RAPGEFL1: variants seen among roughly 807,000 people sequenced by gnomAD.
RAPGEFL1 encodes rap guanine nucleotide exchange factor-like 1.
Under a neutral mutation model 64.4 loss-of-function variants are expected in RAPGEFL1, and 31 were observed. The observed-to-expected ratio is 0.48, with a 90% CI of 0.36 to 0.65. The LOEUF is 0.65. RAPGEFL1 is among the 30% of genes least tolerant of loss of function. The probability of loss-of-function intolerance (pLI) is 0.00; values close to 1 mark genes in which losing one functional copy is unlikely to be tolerated. For synonymous variants in RAPGEFL1, 331 were observed against 274.1 expected (o/e 1.21, Z -2.05); for missense variants, 682 against 677.4 (o/e 1.01, Z -0.08).
In RAPGEFL1 at chr17:40,177,784, T is replaced by C; in HGVS notation, c.-78T>C. On this transcript the variant is annotated 5_prime_UTR_variant, in exon 1 of 15. Transcript: ENST00000620260. ...TCTGCTCCTCCAGCTCTGAGCATCG[T>C]GTCTTCGCCGCCCCCCCCGCCCGCG... 1 of 410,882 alleles carries C rather than the reference T, an allele frequency of 2.4e-6. No homozygotes were observed. Among genetic ancestry groups the C allele is most frequent in the Non-Finnish European group, 4.3e-6 (1 of 233,362 alleles). 25.5% of individuals were successfully genotyped at this position (410,882 alleles called of 1,614,324 possible). A position where few individuals can be genotyped will look rare whatever the true frequency, so the allele number is the denominator to read the frequency against.
chr17:40,188,332 A>G (rs2145216253), intron 4 of RAPGEFL1, among the ~76,000 whole-genome samples: 1 of 151,380 alleles, frequency 6.6e-6, no homozygotes, highest in South Asian at 2.1e-4. Flanking sequence ...CACCAGCATA[A>G]CTCTCCTGGT....
Position 40,192,693 on chromosome 17 carries a change from G to GGT in RAPGEFL1, c.1744+2_1744+3dup, listed in dbSNP as rs1990318644. The GGT allele has an allele frequency of 6.2e-7, 1 of 1,612,074 alleles. No homozygotes were observed. The highest frequency in any genetic ancestry group is 1.7e-5 in the Admixed American group (1 of 59,950). On this transcript the variant is annotated frameshift_variant and splice_region_variant. Transcript: ENST00000620260. LOFTEE classifies it high-confidence loss of function. ...TCCCTTCGTGCCTCTGATCCTCAAA[G>GGT]GTGAGAGAGTTACTCCCAAGCTGTG...
Position 40,191,356 on chromosome 17 carries a change from G to A in RAPGEFL1, c.1376G>A (p.Arg459His), listed in dbSNP as rs1212956844. 2.5e-6 allele frequency: 4 copies of A among 1,592,546 alleles called. No individual in the cohort carries two copies. The highest frequency in any genetic ancestry group is 1.3e-5 in the African/African-American group (1 of 74,496). ...VDYVFHGERGRRETANLELLL... is the reference protein window; with the variant it reads ...VDYVFHGERGHRETANLELLL... ...TACGTGTTCCACGGGGAGCGCGGCC[G>A]CCGGGAGACGGCCAACTTGGAGCTG... The change falls in exon 9 of 15, where the codon CGC (arginine) becomes CAC (histidine). Residue 459 changes from arginine (R) to histidine (H), a missense_variant. Physicochemically the swap from Arg to His is conservative, Grantham distance 29. Transcript: ENST00000620260. This position sits in a 1 kb window ranked among gnomAD's most constrained non-coding sequence, Gnocchi z 5.1.
In RAPGEFL1 at chr17:40,184,615, T is replaced by C. The variant is rs1775832216; in HGVS notation, c.770T>C (p.Leu257Pro). 2 of 1,584,966 alleles carry C rather than the reference T, an allele frequency of 1.3e-6. No homozygotes were observed. Among genetic ancestry groups the C allele is most frequent in the Non-Finnish European group, 1.7e-6 (2 of 1,158,894 alleles). Residue 257 changes from leucine (L) to proline (P), a missense_variant, in exon 4 of 15, where the codon CTT becomes CCT. Physicochemically the swap from Leu to Pro is moderately conservative, Grantham distance 98 (BLOSUM62 -3). Transcript: ENST00000620260. ...CTGCTAATTATGAAGGACGAGTCCC[T>C]TTACCAGGGCCTCCGAGAGGACACT... ...LYLLIMKDESLYQGLREDTLR... is the reference protein window; with the variant it reads ...LYLLIMKDESPYQGLREDTLR...
At chr17:40,189,521 C>T (rs1292705734) in intron 6 of RAPGEFL1, 146 bp downstream of exon 6, 2 of 917,102 alleles carry the variant, frequency 2.2e-6, no homozygotes, top group Non-Finnish European at 3.2e-6. Context: ...CGCCTGGGAA[C>T]TTGTTAGGAT....
rs1343780726 is a variant in RAPGEFL1, at chr17:40,191,513, G to A, written c.1514+19G>A. On this transcript the variant is annotated intron_variant, in intron 9 of 14. Coordinates refer to ENST00000620260, the MANE Select transcript of RAPGEFL1 (RefSeq NM_016339.6). This position sits in a 1 kb window ranked among gnomAD's most constrained non-coding sequence, Gnocchi z 5.1. ...CGGCCCTGTGAGTGCGGCCGTCGGCGGGATGGGGGGCCGGAGGCCGGAGGC... is the reference window on the plus strand; with the variant it reads ...CGGCCCTGTGAGTGCGGCCGTCGGCAGGATGGGGGGCCGGAGGCCGGAGGC... 6.3e-7 allele frequency: 1 copy of A among 1,586,940 alleles called. No individual in the cohort carries two copies. The highest frequency in any genetic ancestry group is 8.5e-7 in the Non-Finnish European group (1 of 1,169,782).
At chr17:40,184,090 C>T (rs906141357) in intron 2 of RAPGEFL1, 124 bp from the exon 3 acceptor site, 10 of 772,972 alleles carry the variant, frequency 1.3e-5, no homozygotes, top group African/African-American at 5.2e-5. Context: ...GTGATCCGCC[C>T]GCCTCAGCTT....
rs773192284 is a variant in RAPGEFL1, at chr17:40,188,908, A to C, written c.876A>C (p.Pro292=). ...AGCCACCCAGCAAGCAGGTGAAGCC[A>C]CTCTTCCGCCACTTCCGCCGGATAG... The part of the protein sequence containing the change: ...ENQPPSKQVK[P]LFRHFRRIDS... Residue 292 remains proline, a synonymous_variant, in exon 5 of 15, where the codon CCA becomes CCC. Coordinates refer to ENST00000620260, the MANE Select transcript of RAPGEFL1 (RefSeq NM_016339.6). 11 of 1,613,816 alleles carry C rather than the reference A, an allele frequency of 6.8e-6. No homozygotes were observed. The East Asian group carries it at 1.8e-4, about 26-fold the overall frequency.
intron 6 of RAPGEFL1, among the ~76,000 whole-genome samples, chr17:40,190,124 C>T (rs1376289863): frequency 6.6e-6 from 1 of 152,130 alleles, no homozygotes; most frequent in Non-Finnish European, 1.5e-5. Context: ...GGCAGAAAGC[C>T]AGCAATGTCA....
chr17:40,186,553 C>T (rs1387960010), intron 4 of RAPGEFL1, among the ~76,000 whole-genome samples: 12 of 114,334 alleles, frequency 1.0e-4, no homozygotes, highest in South Asian at 5.7e-4. Context: ...CCGGCCTGGG[C>T]GACAGAGCGA....
In RAPGEFL1 at chr17:40,184,623, G is replaced by A. The variant is rs770410870; in HGVS notation, c.778G>A (p.Gly260Ser). 6.3e-7 allele frequency: 1 copy of A among 1,589,980 alleles called. No homozygotes were observed. The highest frequency in any genetic ancestry group is 8.6e-7 in the Non-Finnish European group (1 of 1,162,790). ...LIMKDESLYQGLREDTLRLHQ... is the reference protein window; with the variant it reads ...LIMKDESLYQSLREDTLRLHQ... ...TATGAAGGACGAGTCCCTTTACCAG[G>A]GCCTCCGAGAGGACACTCTGAGGCT... Residue 260 changes from glycine to serine, a missense_variant, in exon 4 of 15, where the codon GGC becomes AGC. This residue lies in a region of RAPGEFL1 where 271 missense variants were observed against 158.0 expected (regional missense o/e 1.72). Coordinates refer to ENST00000620260, the MANE Select transcript of RAPGEFL1 (RefSeq NM_016339.6).
intron 10 of RAPGEFL1, 77 bp from the exon 11 acceptor site, chr17:40,192,136 G>A: frequency 7.1e-7 from 1 of 1,399,552 alleles, no homozygotes. Flanking sequence ...CTCCAACAGG[G>A]AGAATTAATC....
intron 4 of RAPGEFL1, among the ~76,000 whole-genome samples, chr17:40,186,445 G>A (rs1990074949): frequency 6.6e-6 from 1 of 151,278 alleles, no homozygotes; most frequent in African/African-American, 2.4e-5. Context: ...GCGGGCGCCT[G>A]CAGTCCCAGC....
intron 14 of RAPGEFL1, 27 bp downstream of exon 14, chr17:40,193,444 T>G (rs1418754562): frequency 6.2e-7 from 1 of 1,613,256 alleles, no homozygotes; most frequent in South Asian, 1.1e-5. Flanking sequence ...CTGAGAGCAG[T>G]ACAGATAGAG....
rs772903072 is a variant in RAPGEFL1 at position 40,190,428 on chromosome 17, C to G, written c.1115-6C>G. ...GGCCGAGGATGAGCAGCTCTTTCTCCTGCAGAGAAGGTCCTTCTCCAGCCC... is the reference window on the plus strand; with the variant it reads ...GGCCGAGGATGAGCAGCTCTTTCTCGTGCAGAGAAGGTCCTTCTCCAGCCC... On this transcript the variant is annotated splice_polypyrimidine_tract_variant and splice_region_variant and intron_variant, in intron 6 of 14. Coordinates refer to ENST00000620260, the MANE Select transcript of RAPGEFL1 (RefSeq NM_016339.6). 3 of 1,613,398 alleles carry G rather than the reference C, an allele frequency of 1.9e-6. No individual in the cohort carries two copies.
Position 40,193,855 on chromosome 17 carries a change from T to A in RAPGEFL1, c.*67T>A. ...TGGCACTCAAGCACTTTGCACGATG[T>A]CTCAACCAACATCTGACATCTTTCC... On this transcript the variant is annotated 3_prime_UTR_variant, in exon 15 of 15. Coordinates refer to ENST00000620260, the MANE Select transcript of RAPGEFL1 (RefSeq NM_016339.6). 1 of 1,602,268 alleles carries A rather than the reference T, an allele frequency of 6.2e-7. No homozygotes were observed. Among genetic ancestry groups the A allele is most frequent in the Non-Finnish European group, 8.5e-7 (1 of 1,172,844 alleles).
At chr17:40,192,889 T>A (rs757635825) in intron 12 of RAPGEFL1, 37 bp from the exon 13 acceptor site, 3 of 1,567,574 alleles carry the variant, frequency 1.9e-6, no homozygotes, top group Non-Finnish European at 2.6e-6. Context: ...TCCTCTCTTA[T>A]CCTTTCCTCA....
intron 1 of RAPGEFL1, among the ~76,000 whole-genome samples, chr17:40,179,811 A>AG (rs1393322195): frequency 6.6e-6 from 1 of 152,076 alleles, no homozygotes; most frequent in Non-Finnish European, 1.5e-5. Context: ...AGATGTGTGG[A>AG]GGGGGGCTCC....
At position 40,190,461 on chromosome 17, in the gene RAPGEFL1, A is replaced by G. The variant is rs779396839; in HGVS notation, c.1142A>G (p.Asp381Gly). 48 of 1,614,044 alleles carry G rather than the reference A, an allele frequency of 3.0e-5. No individual in the cohort carries two copies. Among genetic ancestry groups the G allele is most frequent in the Non-Finnish European group, 4.1e-5 (48 of 1,179,996 alleles). ...AAGGTCCTTCTCCAGCCCACTGAGG[A>G]CTGTGTTTTCACCGCACTGGGCATC... ...GEKVLLQPTE[D>G]CVFTALGINS... Residue 381 changes from aspartate to glycine, a missense_variant, in exon 7 of 15, where the codon GAC (aspartate) becomes GGC (glycine). This residue lies in a region of RAPGEFL1 where 411 missense variants were observed against 519.4 expected (regional missense o/e 0.79). Transcript: ENST00000620260.
Sources: allele counts gnomAD v4.1 joint callset (sites outside exome capture counted in the v4.1 genomes callset), GRCh38; gene constraint gnomAD v4.1.1; regional missense constraint gnomAD v4.1.1; non-coding constraint Gnocchi (gnomAD v3.1); transcripts MANE v1.5; gene names NCBI Gene and HGNC (gene_info 2026-07-23, HGNC 2026-07-21).